Variants in PTPRG observed in about 807,000 individuals in gnomAD.
PTPRG encodes the protein protein tyrosine phosphatase receptor type G.
Under a neutral mutation model 165.3 loss-of-function variants are expected in PTPRG, and 102 were observed. The ratio of observed to expected loss-of-function variants is 0.62; its 90% confidence interval spans 0.53 to 0.73. The LOEUF (loss-of-function observed/expected upper bound fraction) is 0.73. Ranked by LOEUF, PTPRG falls within the 30% of genes least tolerant of loss-of-function variation. PTPRG has a pLI of 0.00. For missense variants in PTPRG, 1,866 were observed against 1,861.4 expected (o/e 1.00, Z -0.05); for synonymous variants, 675 against 669.5 (o/e 1.01, Z -0.13).
chr3:61,640,525 C>T (rs1430775630), intron 1 of PTPRG, among the ~76,000 whole-genome samples: 9 of 152,122 alleles, frequency 5.9e-5, no homozygotes, highest in Admixed American at 3.9e-4. Context: ...CCGTAAGACC[C>T]CAAAAGGGAG....
intron 4 of PTPRG, among the ~76,000 whole-genome samples, chr3:62,029,240 C>A (rs866463526): frequency 6.6e-6 from 1 of 152,118 alleles, no homozygotes; most frequent in Non-Finnish European, 1.5e-5. Flanking sequence ...GGACACAGTT[C>A]AGTATCTGAA....
At chr3:61,639,063 T>C (rs958916622) in intron 1 of PTPRG, among the ~76,000 whole-genome samples, 2 of 152,212 alleles carry the variant, frequency 1.3e-5, no homozygotes, top group Non-Finnish European at 2.9e-5. Context: ...ATTTAAATCT[T>C]TAATCCATCT....
chr3:61,934,985 G>A (rs780756268), intron 2 of PTPRG, among the ~76,000 whole-genome samples: 43 of 152,094 alleles, frequency 2.8e-4, no homozygotes, highest in Middle Eastern at 3.2e-3. Flanking sequence ...TCTTGAGTGC[G>A]GAGTTCCCAA....
intron 5 of PTPRG, among the ~76,000 whole-genome samples, chr3:62,080,235 A>ATTT (rs3068435): frequency 8.2e-5 from 12 of 146,300 alleles, no homozygotes; most frequent in South Asian, 4.4e-4. Flanking sequence ...TGCCCAGCTA[A>ATTT]TTTTTTTTTT....
At chr3:62,049,652 C>A (rs1472578092) in intron 4 of PTPRG, among the ~76,000 whole-genome samples, 1 of 152,102 alleles carries the variant, frequency 6.6e-6, no homozygotes, top group Non-Finnish European at 1.5e-5. Context: ...GGTTCAAATA[C>A]CATAATATGT....
intron 8 of PTPRG, among the ~76,000 whole-genome samples, chr3:62,175,281 T>C (rs945054918): frequency 6.6e-6 from 1 of 152,326 alleles, no homozygotes; most frequent in Middle Eastern, 3.4e-3. Flanking sequence ...GAAAAGCTTA[T>C]TGACTCTAGG....
At chr3:62,061,283 G>A (rs1269483429) in intron 4 of PTPRG, among the ~76,000 whole-genome samples, 1 of 152,158 alleles carries the variant, frequency 6.6e-6, no homozygotes, top group Admixed American at 6.5e-5. Context: ...ATAAATTCAA[G>A]ACAAATTAGA....
rs149851336 is a variant in PTPRG at position 61,866,801 on chromosome 3, G to A, written c.190+117819G>A. Reference sequence around the variant, plus strand: ...TTTAGTAGAGATGGCATTTCACCATGTTGGCCAGGATGGTCTCGATCTCTT... The same window carrying A: ...TTTAGTAGAGATGGCATTTCACCATATTGGCCAGGATGGTCTCGATCTCTT... On this transcript the variant is annotated intron_variant, in intron 2 of 29. Coordinates refer to ENST00000474889, the MANE Select transcript of PTPRG (RefSeq NM_002841.4). Among the ~76,000 whole-genome samples, 544 of 152,070 alleles carry A rather than the reference G, an allele frequency of 3.6e-3. 1 individual carries two copies. Among genetic ancestry groups the A allele is most frequent in the African/African-American group, 0.013 (526 of 41,504 alleles).
rs372591897 is a variant in PTPRG, at chr3:61,908,833, C to T, written c.191-80792C>T. Among the ~76,000 whole-genome samples, 35 of 152,218 alleles carry T rather than the reference C, an allele frequency of 2.3e-4. 1 individual carries two copies. Among genetic ancestry groups the T allele is most frequent in the African/African-American group, 8.4e-4 (35 of 41,530 alleles). Reference sequence around the variant, plus strand: ...GGTTTAAATCATGTTAGGGCTTAGGCTTAACACGTAAGAGTCTCCAGTTCC... The same window carrying T: ...GGTTTAAATCATGTTAGGGCTTAGGTTTAACACGTAAGAGTCTCCAGTTCC... On this transcript the variant is annotated intron_variant, in intron 2 of 29. Transcript: ENST00000474889.
At chr3:62,056,209 T>C (rs1023532) in intron 4 of PTPRG, among the ~76,000 whole-genome samples, 53,085 of 152,100 alleles carry the variant, frequency 0.35, 11,063 homozygotes, top group Middle Eastern at 0.52. Flanking sequence ...TGGTAAGAAG[T>C]GTTAGTCCAG....
chr3:61,750,350 G>A (rs1440457683), intron 2 of PTPRG: 1 of 152,198 alleles, frequency 6.6e-6, no homozygotes, highest in East Asian at 1.9e-4. Context: ...CAGGAAATTG[G>A]AAGTTATATC....
At chr3:62,015,844 T>C (rs1452642619) in intron 4 of PTPRG, among the ~76,000 whole-genome samples, 2 of 152,188 alleles carry the variant, frequency 1.3e-5, no homozygotes, top group African/African-American at 4.8e-5. Flanking sequence ...GATATCATGT[T>C]GATGTTATCT....
intron 5 of PTPRG, among the ~76,000 whole-genome samples, chr3:62,107,819 T>G (rs968675552): frequency 9.4e-6 from 1 of 106,608 alleles, no homozygotes; most frequent in Non-Finnish European, 2.1e-5. Context: ...AACTACTTAC[T>G]AAATTCCCAT....
chr3:61,776,885 T>A (rs550716371), intron 2 of PTPRG, among the ~76,000 whole-genome samples: 1 of 152,246 alleles, frequency 6.6e-6, no homozygotes, highest in Non-Finnish European at 1.5e-5. Context: ...TTAATTTGAA[T>A]TAATTATTGC....
intron 1 of PTPRG, among the ~76,000 whole-genome samples, chr3:61,631,984 A>G (rs918240490): frequency 4.6e-5 from 7 of 152,186 alleles, no homozygotes; most frequent in African/African-American, 1.7e-4. Context: ...GGAGTGATCA[A>G]TTCTGCAAAG....
At chr3:61,579,601 G>T (rs973026179) in intron 1 of PTPRG, among the ~76,000 whole-genome samples, 2 of 152,238 alleles carry the variant, frequency 1.3e-5, no homozygotes, top group African/African-American at 4.8e-5. Flanking sequence ...ACGTAACTTG[G>T]AAAGCGGCGA....
At chr3:62,065,576 G>A (rs932209005) in intron 4 of PTPRG, among the ~76,000 whole-genome samples, 1 of 152,038 alleles carries the variant, frequency 6.6e-6, no homozygotes, top group East Asian at 1.9e-4. Context: ...TATTTTAAGG[G>A]ATACTGAATA....
intron 4 of PTPRG, among the ~76,000 whole-genome samples, chr3:62,019,792 A>T (rs2041642953): frequency 6.6e-6 from 1 of 152,220 alleles, no homozygotes; most frequent in African/African-American, 2.4e-5. Flanking sequence ...TAAAAAAATT[A>T]AAAACAAAAA....
intron 2 of PTPRG, among the ~76,000 whole-genome samples, chr3:61,841,269 A>T (rs1445324236): frequency 6.6e-6 from 1 of 152,180 alleles, no homozygotes; most frequent in Admixed American, 6.5e-5. Flanking sequence ...TTTCTATTTA[A>T]TATTTGTTCT....
Sources: gnomAD v4.1 joint callset for allele counts (sites outside exome capture counted in the v4.1 genomes callset) on GRCh38, gnomAD v4.1.1 for gene constraint, MANE v1.5 for transcripts, NCBI Gene and HGNC (gene_info 2026-07-23, HGNC 2026-07-21) for gene names.